The following FOXJ3 variants were observed in gnomAD, a reference collection of about 807,000 sequenced individuals.
FOXJ3 encodes forkhead box J3, also known as forkhead box protein J3.
A neutral mutation model predicts 76.1 loss-of-function variants in FOXJ3; 22 were observed. The ratio of observed to expected loss-of-function variants is 0.29; its 90% CI spans 0.21 to 0.41. FOXJ3 has a LOEUF of 0.41. Ranked by LOEUF, FOXJ3 falls within the 10% of genes least tolerant of loss-of-function variation. FOXJ3 has a pLI of 1.00. For synonymous variants in FOXJ3, 269 were observed against 261.2 expected (o/e 1.03, Z -0.29); for missense variants, 613 against 762.1 (o/e 0.80, Z 2.30).
intron 6 of FOXJ3, 36 bp from the exon 7 acceptor site, chr1:42,199,266 A>G: frequency 6.3e-7 from 1 of 1,575,646 alleles, no homozygotes; most frequent in Admixed American, 1.7e-5. Context: ...ATTGAATATA[A>G]GGGTACTTCT....
intron 4 of FOXJ3, among the ~76,000 whole-genome samples, chr1:42,257,884 T>C (rs961155411): frequency 2.6e-5 from 4 of 152,216 alleles, no homozygotes; most frequent in African/African-American, 9.6e-5. Flanking sequence ...AAACTTTATT[T>C]CTAGCTAAAA....
chr1:42,176,929 G>C lies in FOXJ3; in HGVS notation c.*2781C>G, dbSNP rs780801702. The C allele has an allele frequency of 1.3e-5, 2 of 152,610 alleles. No homozygotes were observed. The highest frequency in any genetic ancestry group is 2.9e-5 in the Non-Finnish European group (2 of 68,040). 9.5% of individuals were successfully genotyped at this position (152,610 alleles called of 1,614,324 possible). ...ACATCTGAGCGACACGTATTTACAA[G>C]AACACACATGAATACATTTACATTT... On this transcript the variant is annotated 3_prime_UTR_variant, in exon 13 of 13. Coordinates refer to ENST00000361346, the MANE Select transcript of FOXJ3 (RefSeq NM_014947.5).
At chr1:42,265,362 G>A (rs1024639169) in intron 3 of FOXJ3, among the ~76,000 whole-genome samples, 173 bp from the exon 4 acceptor site, 5 of 152,118 alleles carry the variant, frequency 3.3e-5, no homozygotes, top group African/African-American at 9.7e-5. Context: ...AATTATGAAT[G>A]CTATGAGGGG....
intron 5 of FOXJ3, among the ~76,000 whole-genome samples, chr1:42,214,384 T>C (rs1350191655): frequency 6.6e-6 from 1 of 152,164 alleles, no homozygotes; most frequent in East Asian, 1.9e-4. Flanking sequence ...ATTTGGATAA[T>C]TTATTACAGC....
chr1:42,214,022 A>T (rs1445900900), intron 5 of FOXJ3, among the ~76,000 whole-genome samples: 1 of 152,218 alleles, frequency 6.6e-6, no homozygotes, highest in Admixed American at 6.5e-5. Flanking sequence ...GTACCCCATA[A>T]ATATATACAA....
At chr1:42,297,049 C>A (rs1039635042) in intron 2 of FOXJ3, among the ~76,000 whole-genome samples, 2 of 151,690 alleles carry the variant, frequency 1.3e-5, no homozygotes, top group African/African-American at 4.8e-5. Flanking sequence ...TAGGGGTGTG[C>A]GGGTGTGGGT....
chr1:42,332,287 C>T (rs1197501572), intron 1 of FOXJ3, among the ~76,000 whole-genome samples: 1 of 152,168 alleles, frequency 6.6e-6, no homozygotes, highest in Non-Finnish European at 1.5e-5. Flanking sequence ...ATCTATATCC[C>T]TGGTCAGTGC....
At chr1:42,261,213 A>C (rs1651006665) in intron 4 of FOXJ3, among the ~76,000 whole-genome samples, 1 of 152,102 alleles carries the variant, frequency 6.6e-6, no homozygotes, top group South Asian at 2.1e-4. Context: ...TTAAAAAAAA[A>C]AAGACAAATA....
intron 5 of FOXJ3, among the ~76,000 whole-genome samples, chr1:42,208,043 G>A (rs1646894177): frequency 6.6e-6 from 1 of 152,104 alleles, no homozygotes; most frequent in South Asian, 2.1e-4. Flanking sequence ...GGTAGGAAAA[G>A]GGAAACTTTT....
At chr1:42,183,658 T>G (rs1239909231) in intron 11 of FOXJ3, among the ~76,000 whole-genome samples, 4 of 152,038 alleles carry the variant, frequency 2.6e-5, no homozygotes, top group African/African-American at 9.7e-5. Flanking sequence ...CTAGTAATGT[T>G]GTAATGAAAC....
At chr1:42,244,901 G>A (rs343390) in intron 4 of FOXJ3, among the ~76,000 whole-genome samples, 101,559 of 152,014 alleles carry the variant, frequency 0.67, 35,612 homozygotes, top group Admixed American at 0.79. Context: ...AAAAGTCTTG[G>A]CCAGGCGCGG....
At chr1:42,316,390 C>G (rs1655115160) in intron 1 of FOXJ3, among the ~76,000 whole-genome samples, 1 of 124,512 alleles carries the variant, frequency 8.0e-6, no homozygotes, top group Admixed American at 1.1e-4. Context: ...AAACTGATGT[C>G]AAACTCCTGG....
At chr1:42,315,480 T>C in intron 1 of FOXJ3, 1 of 782,882 alleles carries the variant, frequency 1.3e-6, no homozygotes, top group Non-Finnish European at 1.6e-6. Context: ...ACACCCTTAG[T>C]ACCTCCAATA....
chr1:42,299,957 CT>C (rs1399611118), intron 2 of FOXJ3, among the ~76,000 whole-genome samples: 1 of 151,746 alleles, frequency 6.6e-6, no homozygotes, highest in Non-Finnish European at 1.5e-5. Flanking sequence ...AATCCGAGCA[CT>C]TTGGAAGGCC....
chr1:42,208,281 T>A (rs761232099), intron 5 of FOXJ3, among the ~76,000 whole-genome samples: 2 of 152,118 alleles, frequency 1.3e-5, no homozygotes, highest in African/African-American at 2.4e-5. Context: ...GAAATACTCA[T>A]CCCTCAACAA....
chr1:42,191,216 G>C (rs1646534276), intron 9 of FOXJ3, 87 bp downstream of exon 9: 1 of 1,242,778 alleles, frequency 8.0e-7, no homozygotes, highest in Admixed American at 2.4e-5. Context: ...AGAGGTTTTG[G>C]TAGTAAATAC....
intron 2 of FOXJ3, among the ~76,000 whole-genome samples, chr1:42,305,999 T>A (rs1487265177): frequency 6.6e-6 from 1 of 152,110 alleles, no homozygotes; most frequent in African/African-American, 2.4e-5. Context: ...CCCACAAAAA[T>A]TAAAAACTGA....
intron 2 of FOXJ3, among the ~76,000 whole-genome samples, chr1:42,289,208 AAT>A (rs144628579): frequency 0.017 from 2,608 of 151,534 alleles, 70 homozygotes; most frequent in African/African-American, 0.061. Flanking sequence ...TTTATATATG[AAT>A]ATGTTTCTTA....
At chr1:42,220,434 A>T (rs964749056) in intron 5 of FOXJ3, among the ~76,000 whole-genome samples, 2 of 152,144 alleles carry the variant, frequency 1.3e-5, no homozygotes, top group Non-Finnish European at 2.9e-5. Flanking sequence ...ACACTCCACC[A>T]ATAGAAAAAA....
Sources: allele counts gnomAD v4.1 joint callset (sites outside exome capture counted in the v4.1 genomes callset), GRCh38; gene constraint gnomAD v4.1.1; transcripts MANE v1.5; gene names NCBI Gene and HGNC (gene_info 2026-07-23, HGNC 2026-07-21).